Variants in NUP54 observed in about 807,000 individuals in gnomAD.
The protein encoded by NUP54 is nucleoporin p54.
Under a neutral mutation model 66.4 loss-of-function variants are expected in NUP54, and 27 were observed. The ratio of observed to expected loss-of-function variants is 0.41; its 90% CI spans 0.30 to 0.56. The LOEUF (loss-of-function observed/expected upper bound fraction) is 0.56. NUP54 is among the 20% of genes least tolerant of loss of function. NUP54 has a pLI of 0.34. For missense variants in NUP54, 486 were observed against 596.3 expected, an observed-to-expected ratio of 0.82 and a Z score of 1.93; for synonymous variants, 206 against 210.7, an observed-to-expected ratio of 0.98 and a Z score of 0.19.
At chr4:76,119,625 G>C (rs900498165) in intron 9 of NUP54, among the ~76,000 whole-genome samples, 1 of 150,714 alleles carries the variant, frequency 6.6e-6, no homozygotes, top group African/African-American at 2.4e-5. Flanking sequence ...TGATCCTTCT[G>C]CCTCGGCCTC....
At chr4:76,117,474 T>TA (rs1218165134) in intron 11 of NUP54, among the ~76,000 whole-genome samples, 190 bp downstream of exon 11, 1 of 152,178 alleles carries the variant, frequency 6.6e-6, no homozygotes, top group Non-Finnish European at 1.5e-5. Flanking sequence ...ATTCTATCTT[T>TA]AATTTTTTGA....
chr4:76,144,887 G>T (rs1731420662), intron 1 of NUP54, among the ~76,000 whole-genome samples: 1 of 152,156 alleles, frequency 6.6e-6, no homozygotes, highest in South Asian at 2.1e-4. Context: ...CTGATAGGTG[G>T]AACTGTTTAA....
chr4:76,132,488 C>T (rs2109885338), intron 6 of NUP54, 35 bp downstream of exon 6: 1 of 1,466,814 alleles, frequency 6.8e-7, no homozygotes, highest in Non-Finnish European at 9.1e-7. Flanking sequence ...CTAAATCTTT[C>T]TTTTTTTTTG....
At chr4:76,116,828 T>C (rs1729972479) in intron 11 of NUP54, among the ~76,000 whole-genome samples, 1 of 152,144 alleles carries the variant, frequency 6.6e-6, no homozygotes, top group African/African-American at 2.4e-5. Context: ...ACCTACACTT[T>C]AAGGAGCAAG....
intron 1 of NUP54, 35 bp from the exon 2 acceptor site, chr4:76,144,508 T>A: frequency 6.6e-7 from 1 of 1,504,386 alleles, no homozygotes; most frequent in Non-Finnish European, 9.0e-7. Context: ...AAAGGAAGAA[T>A]CTTTTGTATA....
intron 9 of NUP54, among the ~76,000 whole-genome samples, chr4:76,124,074 T>C (rs1215230623): frequency 1.3e-5 from 2 of 152,152 alleles, no homozygotes; most frequent in Non-Finnish European, 1.5e-5. Context: ...TAATTTAACA[T>C]GAGTACTAAG....
Position 76,130,762 on chromosome 4 carries a change from A to G in NUP54, c.963-13T>C. 1 of 1,579,082 alleles carries G rather than the reference A, an allele frequency of 6.3e-7. No homozygotes were observed. On this transcript the variant is annotated splice_polypyrimidine_tract_variant and intron_variant, in intron 7 of 11. Transcript: ENST00000264883. ...TACAGGAATTAACCTGAAGAAACGC[A>G]GTGAACAATTTTCAGACCTTAAGCC...
At chr4:76,148,226 C>G in intron 1 of NUP54, 82 bp downstream of exon 1, 1 of 1,005,974 alleles carries the variant, frequency 9.9e-7, no homozygotes, top group Non-Finnish European at 1.3e-6. Flanking sequence ...TCCAGGATCC[C>G]CAGGTCGGAG....
chr4:76,144,396 T>G lies in NUP54; in HGVS notation c.145A>C (p.Thr49Pro), dbSNP rs1368572068. The G allele has an allele frequency of 6.2e-7, 1 of 1,608,400 alleles. No individual in the cohort carries two copies. Among genetic ancestry groups the G allele is most frequent in the Non-Finnish European group, 8.5e-7 (1 of 1,178,612 alleles). Residue 49 changes from threonine (T) to proline (P), a missense_variant, in exon 2 of 12, where the codon ACT (threonine) becomes CCT (proline). This residue lies in a region of NUP54 where 145 missense variants were observed against 137.1 expected (regional missense o/e 1.06). Coordinates refer to ENST00000264883, the MANE Select transcript of NUP54 (RefSeq NM_017426.4). ...FSFSAPTNTGTTGLFGGTQNK... is the reference protein window; with the variant it reads ...FSFSAPTNTGPTGLFGGTQNK... ...ACTTAAGATGGCCTCTTACCAGTAG[T>G]GCCTGTGTTAGTTGGGGCAGAAAAG... is the stretch of plus-strand genomic sequence containing the variant.
chr4:76,115,597 A>G (rs1251902908), intron 11 of NUP54, 103 bp from the exon 12 acceptor site: 2 of 768,624 alleles, frequency 2.6e-6, no homozygotes, highest in Admixed American at 3.5e-5. Context: ...CTAGCAACAC[A>G]GTACCTAGTA....
chr4:76,118,056 T>C lies in NUP54; in HGVS notation c.1284+19A>G, dbSNP rs965684354. ...CCACCTGAAACAAATTTTAGAATTA[T>C]GGTCTTAGAAGTGGTTACCTTGAAC... is the stretch of plus-strand genomic sequence containing the variant. On this transcript the variant is annotated intron_variant, in intron 10 of 11. Coordinates refer to ENST00000264883, the MANE Select transcript of NUP54 (RefSeq NM_017426.4). 5.0e-6 allele frequency: 8 copies of C among 1,607,484 alleles called. No homozygotes were observed. Among genetic ancestry groups the C allele is most frequent in the Non-Finnish European group, 5.9e-6 (7 of 1,177,834 alleles).
intron 8 of NUP54, among the ~76,000 whole-genome samples, chr4:76,129,863 CAAAAAAA>C (rs747413034): frequency 2.7e-5 from 1 of 37,614 alleles, no homozygotes; most frequent in Non-Finnish European, 6.3e-5. Context: ...AGAGACGTCT[CAAAAAAA>C]AAAAAAAAAA....
At chr4:76,128,453 T>A (rs1578677615) in intron 8 of NUP54, among the ~76,000 whole-genome samples, 1 of 129,954 alleles carries the variant, frequency 7.7e-6, no homozygotes, top group African/African-American at 2.9e-5. Context: ...GAAACAGGAA[T>A]GAAAAACAGA....
Position 76,124,762 on chromosome 4 carries a change from T to TAA in NUP54, c.1057-8_1057-7dup. On this transcript the variant is annotated splice_polypyrimidine_tract_variant and splice_region_variant and intron_variant, in intron 8 of 11. Transcript: ENST00000264883. ...CTAATATCTTCAGATATGATCTGTT[T>TAA]AAAAAAAAATTGGGGGGGGGAGGGT... 3.1e-6 allele frequency: 2 copies of TAA among 637,172 alleles called. No individual in the cohort carries two copies. The highest frequency in any genetic ancestry group is 4.9e-6 in the Non-Finnish European group (2 of 409,922). 39.5% of individuals were successfully genotyped at this position (637,172 alleles called of 1,614,324 possible).
Position 76,124,683 on chromosome 4 carries a change from C to T in NUP54, c.1130G>A (p.Arg377Lys), listed in dbSNP as rs1168422464. ...TCTATGGGAAAGATCCATGAGTTTC[C>T]TCTTGTATTGTGCAATTTTGGCTAC... Reference protein sequence around the residue: ...TSVAKIAQYKRKLMDLSHRTL... With the variant: ...TSVAKIAQYKKKLMDLSHRTL... The change falls in exon 9 of 12, where the codon AGG becomes AAG. Residue 377 changes from arginine (R) to lysine (K), a missense_variant. Physicochemically the swap from Arg to Lys is conservative, Grantham distance 26. Around this residue, in one of 4 missense-constraint regions of NUP54, gnomAD observed 217 missense variants for 247.9 expected, o/e 0.88. Coordinates refer to ENST00000264883, the MANE Select transcript of NUP54 (RefSeq NM_017426.4). 1 of 1,585,596 alleles carries T rather than the reference C, an allele frequency of 6.3e-7. No individual in the cohort carries two copies. The highest frequency in any genetic ancestry group is 1.7e-5 in the Admixed American group (1 of 58,602).
At chr4:76,119,611 C>A (rs1730137131) in intron 9 of NUP54, among the ~76,000 whole-genome samples, 1 of 151,394 alleles carries the variant, frequency 6.6e-6, no homozygotes, top group African/African-American at 2.4e-5. Flanking sequence ...CTCCTAAACT[C>A]AAATGATCCT....
At chr4:76,133,016 CAT>C (rs145736527) in intron 5 of NUP54, among the ~76,000 whole-genome samples, 19,791 of 149,978 alleles carry the variant, frequency 0.13, 1,522 homozygotes, top group East Asian at 0.35. Context: ...GTTTAGCTTA[CAT>C]GTATGTGTGT....
intron 9 of NUP54, among the ~76,000 whole-genome samples, chr4:76,120,704 G>A (rs1388313389): frequency 6.6e-6 from 1 of 152,194 alleles, no homozygotes; most frequent in Non-Finnish European, 1.5e-5. Flanking sequence ...TGGGATTACA[G>A]GCGTGAGCCA....
At chr4:76,126,460 C>G (rs565488047) in intron 8 of NUP54, among the ~76,000 whole-genome samples, 1 of 152,272 alleles carries the variant, frequency 6.6e-6, no homozygotes, top group East Asian at 1.9e-4. Context: ...GCTGAAAGGA[C>G]AAAATTAGGT....
Sources: allele counts gnomAD v4.1 joint callset (sites outside exome capture counted in the v4.1 genomes callset), GRCh38; gene constraint gnomAD v4.1.1; regional missense constraint gnomAD v4.1.1; transcripts MANE v1.5; gene names NCBI Gene and HGNC (gene_info 2026-07-23, HGNC 2026-07-21).